Variants in PIK3R4 observed in about 807,000 individuals in gnomAD.
PIK3R4 encodes the protein phosphoinositide 3-kinase regulatory subunit 4.
In PIK3R4, 46 loss-of-function variants were observed where a neutral mutation model predicts 136.5. That is an observed-to-expected ratio of 0.34 (90% CI 0.27 to 0.43). The LOEUF (loss-of-function observed/expected upper bound fraction) is 0.43, where lower values mean the gene tolerates loss of function less well. PIK3R4 is among the 20% of genes least tolerant of loss of function. The pLI is 1.00. For missense variants in PIK3R4, 1,331 were observed against 1,649.5 expected (o/e 0.81, Z 3.35); for synonymous variants, 557 against 566.7 (o/e 0.98, Z 0.24).
At position 130,686,303 on chromosome 3, in the gene PIK3R4, G is replaced by A. The variant is rs1244482516; in HGVS notation, c.3383C>T (p.Ser1128Phe). Residue 1128 changes from serine (S) to phenylalanine (F), a missense_variant, in exon 15 of 20, where the codon TCT becomes TTT. By Grantham distance (155) the Ser-to-Phe change is radical. Around this residue, in one of 2 missense-constraint regions of PIK3R4, gnomAD observed 1,180 missense variants for 1,407.0 expected, o/e 0.84. Transcript: ENST00000356763. ...CTTTAAAGTCCACGCATTGCTTGAA[G>A]ACCTAAGGTCCCAGCCAACCAGAGA... ...NGSLVGWDLR[S>F]SSNAWTLKHD... The A allele has an allele frequency of 2.5e-6, 4 of 1,613,338 alleles. No individual in the cohort carries two copies. Among genetic ancestry groups the A allele is most frequent in the Non-Finnish European group, 2.5e-6 (3 of 1,179,450 alleles).
chr3:130,686,496 T>C (rs1488974229), intron 14 of PIK3R4, 74 bp from the exon 15 acceptor site: 15 of 884,554 alleles, frequency 1.7e-5, no homozygotes, highest in African/African-American at 6.6e-5. Context: ...AAGATGACTT[T>C]ATATCCTATC....
rs1490609754 is a variant in PIK3R4, at chr3:130,730,461, G to C, written c.1451-19C>G. 9 of 1,526,000 alleles carry C rather than the reference G, an allele frequency of 5.9e-6. No homozygotes were observed. The highest frequency in any genetic ancestry group is 7.0e-6 in the Non-Finnish European group (8 of 1,135,432). 94.5% of individuals were successfully genotyped at this position (1,526,000 alleles called of 1,614,324 possible). A position where few individuals can be genotyped will look rare whatever the true frequency, so the allele number is the denominator to read the frequency against. On this transcript the variant is annotated intron_variant, in intron 4 of 19. Coordinates refer to ENST00000356763, the MANE Select transcript of PIK3R4 (RefSeq NM_014602.3). Reference sequence around the variant, plus strand: ...ATGTTTTCTATAAAATAAAAAGGAAGAAAATTTATAATTACAATCTTAACT... The same window carrying C: ...ATGTTTTCTATAAAATAAAAAGGAACAAAATTTATAATTACAATCTTAACT...
intron 9 of PIK3R4, among the ~76,000 whole-genome samples, chr3:130,714,046 G>T (rs2107611510): frequency 6.6e-6 from 1 of 152,272 alleles, no homozygotes; most frequent in East Asian, 1.9e-4. Flanking sequence ...CAAGGCTGAA[G>T]AAACACTTAG....
intron 14 of PIK3R4, among the ~76,000 whole-genome samples, chr3:130,686,729 C>A (rs945928988): frequency 2.6e-5 from 4 of 152,146 alleles, no homozygotes; most frequent in African/African-American, 9.6e-5. Context: ...AGAACGTGTT[C>A]TGATTTTATC....
In PIK3R4 at chr3:130,686,413, A is replaced by C. The variant is rs1255282293; in HGVS notation, c.3273T>G (p.Asp1091Glu). Residue 1091 changes from aspartate to glutamate, a missense_variant, in exon 15 of 20, where the codon GAT becomes GAG. By Grantham distance (45) the Asp-to-Glu change is conservative. Transcript: ENST00000356763. ...KIHPLQSRIL[D>E]QKEDGCVVDM... is the part of the protein sequence containing the mutation. ...CCACAACACAACCGTCCTCCTTCTG[A>C]TCTAGAATTCTAGAGAAATACACAA... is the stretch of plus-strand genomic sequence containing the variant. 1 of 1,604,660 alleles carries C rather than the reference A, an allele frequency of 6.2e-7. No homozygotes were observed. Among genetic ancestry groups the C allele is most frequent in the Non-Finnish European group, 8.5e-7 (1 of 1,171,390 alleles).
At chr3:130,716,660 T>G in intron 8 of PIK3R4, 61 bp from the exon 9 acceptor site, 2 of 981,584 alleles carry the variant, frequency 2.0e-6, no homozygotes, top group Admixed American at 5.4e-5. Context: ...ATTTTCAAAT[T>G]CAATAAATAC....
chr3:130,718,319 C>T, intron 8 of PIK3R4, 70 bp downstream of exon 8: 1 of 1,302,060 alleles, frequency 7.7e-7, no homozygotes, highest in Non-Finnish European at 1.1e-6. Context: ...AAAAATAGGA[C>T]TCTCTAAACA....
intron 17 of PIK3R4, 59 bp downstream of exon 17, chr3:130,681,432 G>T (rs1427805603): frequency 4.4e-6 from 5 of 1,124,378 alleles, no homozygotes; most frequent in Admixed American, 3.6e-5. Context: ...TTAAATGCCT[G>T]AAAGTACTTA....
At chr3:130,714,064 T>C (rs1032453369) in intron 9 of PIK3R4, among the ~76,000 whole-genome samples, 1 of 152,210 alleles carries the variant, frequency 6.6e-6, no homozygotes, top group Admixed American at 6.5e-5. Flanking sequence ...TAGATTGAGA[T>C]GATTTTTACT....
intron 7 of PIK3R4, among the ~76,000 whole-genome samples, chr3:130,721,668 T>A (rs1241032334): frequency 6.6e-6 from 1 of 152,176 alleles, no homozygotes; most frequent in Non-Finnish European, 1.5e-5. Context: ...ATGATCGAAC[T>A]AATACATATT....
intron 11 of PIK3R4, 100 bp downstream of exon 11, chr3:130,706,848 A>G (rs553518816): frequency 4.3e-5 from 34 of 783,910 alleles, no homozygotes; most frequent in African/African-American, 2.7e-4. Flanking sequence ...ACAAGTCACC[A>G]TATTGATTTT....
At chr3:130,743,018 C>A (rs994326810) in intron 2 of PIK3R4, among the ~76,000 whole-genome samples, 1 of 152,144 alleles carries the variant, frequency 6.6e-6, no homozygotes, top group Admixed American at 6.5e-5. Context: ...GCTTCAGAAT[C>A]ACTTCTGTAC....
chr3:130,686,235 T>A lies in PIK3R4; in HGVS notation c.3451A>T (p.Ile1151Phe). The A allele has an allele frequency of 6.2e-7, 1 of 1,612,794 alleles. No homozygotes were observed. Among genetic ancestry groups the A allele is most frequent in the Non-Finnish European group, 8.5e-7 (1 of 1,178,896 alleles). The change falls in exon 15 of 20, where the codon ATC becomes TTC. Residue 1151 changes from isoleucine to phenylalanine, a missense_variant. By Grantham distance (21) the Ile-to-Phe change is conservative. This residue lies in a region of PIK3R4 where 1,180 missense variants were observed against 1,407.0 expected (regional missense o/e 0.84). Coordinates refer to ENST00000356763, the MANE Select transcript of PIK3R4 (RefSeq NM_014602.3). ...SGLITSFAVD[I>F]HQCWLCIGTS... is the part of the protein sequence containing the mutation. ...CCAATGCAGAGCCAGCATTGGTGGATGTCCACAGCAAAGGAAGTGATGAGG... is the reference window on the plus strand; with the variant it reads ...CCAATGCAGAGCCAGCATTGGTGGAAGTCCACAGCAAAGGAAGTGATGAGG...
intron 11 of PIK3R4, among the ~76,000 whole-genome samples, chr3:130,706,443 G>C (rs1224195342): frequency 6.6e-6 from 1 of 152,154 alleles, no homozygotes; most frequent in Admixed American, 6.5e-5. Context: ...GGTACCGGAA[G>C]TACAGTTTCT....
intron 6 of PIK3R4, chr3:130,723,861 TATATA>T (rs1433376675): frequency 1.8e-5 from 5 of 270,652 alleles, no homozygotes; most frequent in Non-Finnish European, 3.4e-5. Flanking sequence ...AGACTGTAAT[TATATA>T]ATCTTCAGCA....
At position 130,716,602 on chromosome 3, in the gene PIK3R4, A is replaced by G. The variant is rs545215533; in HGVS notation, c.2128-3T>C. The G allele has an allele frequency of 3.7e-4, 593 of 1,593,816 alleles. 6 individuals are homozygous for G. The South Asian group carries it at 6.3e-3, about 17-fold the overall frequency. On this transcript the variant is annotated splice_region_variant and splice_polypyrimidine_tract_variant and intron_variant, in intron 8 of 19. Transcript: ENST00000356763. The stretch of plus-strand genomic sequence containing the variant: ...AGCAGAACAAGTTTTCTTTCAATCT[A>G]TATTGGAAAAATAAAAAGGATCAGC...
chr3:130,737,970 C>T (rs2066795080), intron 2 of PIK3R4, among the ~76,000 whole-genome samples: 1 of 152,192 alleles, frequency 6.6e-6, no homozygotes, highest in African/African-American at 2.4e-5. Context: ...GGGACAGTCT[C>T]TATGTTTCTT....
Position 130,716,378 on chromosome 3 carries a change from T to C in PIK3R4, c.2331+18A>G. 6.3e-7 allele frequency: 1 copy of C among 1,599,650 alleles called. No homozygotes were observed. Among genetic ancestry groups the C allele is most frequent in the Non-Finnish European group, 8.6e-7 (1 of 1,168,964 alleles). On this transcript the variant is annotated intron_variant, in intron 9 of 19. Transcript: ENST00000356763. Reference sequence around the variant, plus strand: ...GAAATTCGCATTTAAATGTAAGACTTTGGAAGGGTGATACAACCTGTGAGA... The same window carrying C: ...GAAATTCGCATTTAAATGTAAGACTCTGGAAGGGTGATACAACCTGTGAGA...
In PIK3R4 at chr3:130,735,877, T is replaced by G. The variant is rs749902491; in HGVS notation, c.859A>C (p.Arg287=). 9 of 1,610,086 alleles carry G rather than the reference T, an allele frequency of 5.6e-6. No individual in the cohort carries two copies. In the East Asian group the frequency reaches 1.8e-4, roughly 32 times the overall value. The change falls in exon 3 of 20, where the codon AGA becomes CGA. Residue 287 remains arginine (R), a synonymous_variant. Coordinates refer to ENST00000356763, the MANE Select transcript of PIK3R4 (RefSeq NM_014602.3). ...VLNKIEDHSI[R]ELVTQMIHRE... ...ATTTGTAGCATAGTTACCAATTCTCTGATACTGTGATCTTCAATTTTATTT... is the reference window on the plus strand; with the variant it reads ...ATTTGTAGCATAGTTACCAATTCTCGGATACTGTGATCTTCAATTTTATTT...
Sources: allele counts gnomAD v4.1 joint callset (sites outside exome capture counted in the v4.1 genomes callset), GRCh38; gene constraint gnomAD v4.1.1; regional missense constraint gnomAD v4.1.1; transcripts MANE v1.5; gene names NCBI Gene and HGNC (gene_info 2026-07-23, HGNC 2026-07-21).